The following NBAS variants were observed in gnomAD, a reference collection of about 807,000 sequenced individuals.
The protein encoded by NBAS is NAG/BC035112 fusion.
Under a neutral mutation model 302.5 loss-of-function variants are expected in NBAS, and 219 were observed. The observed-to-expected ratio is 0.72, with a 90% CI of 0.65 to 0.81. The LOEUF (loss-of-function observed/expected upper bound fraction) is 0.81. Among genes scored for constraint, NBAS ranks in the 30% least tolerant of loss-of-function variants. NBAS has a pLI of 0.00. For missense variants in NBAS, 2,932 were observed against 2,841.6 expected (o/e 1.03, Z -0.72); for synonymous variants, 1,118 against 1,021.6 (o/e 1.09, Z -1.80).
chr2:15,162,184 C>T (rs1019575342), downstream of NBAS, among the ~76,000 whole-genome samples: 3 of 152,232 alleles, frequency 2.0e-5, no homozygotes, highest in South Asian at 2.1e-4. Flanking sequence ...TTCTTCCAAA[C>T]AGCCCTGCCT....
chr2:15,328,821 A>G (rs190226128), intron 36 of NBAS, among the ~76,000 whole-genome samples: 1 of 152,006 alleles, frequency 6.6e-6, no homozygotes, highest in Admixed American at 6.6e-5. Flanking sequence ...CCTCAACCAA[A>G]CTGCCTGCTT....
chr2:14,923,397 A>C, the NBAS span, among the ~76,000 whole-genome samples: 1 of 152,192 alleles, frequency 6.6e-6, no homozygotes, highest in African/African-American at 2.4e-5. Context: ...CAGTGGAAGC[A>C]AAGAGGAGCT....
At chr2:15,438,184 C>T (rs1015103264) in intron 21 of NBAS, among the ~76,000 whole-genome samples, 7 of 152,238 alleles carry the variant, frequency 4.6e-5, no homozygotes, top group Non-Finnish European at 1.0e-4. Context: ...TTAAGGAAAG[C>T]CTTTCACCTG....
chr2:15,433,363 T>C (rs1386293791), intron 21 of NBAS, among the ~76,000 whole-genome samples: 1 of 152,136 alleles, frequency 6.6e-6, no homozygotes, highest in Non-Finnish European at 1.5e-5. Context: ...TAAAGGCCCT[T>C]ACAACAGTAC....
At chr2:14,865,845 T>G in the NBAS span, among the ~76,000 whole-genome samples, 1 of 152,178 alleles carries the variant, frequency 6.6e-6, no homozygotes, top group Middle Eastern at 3.4e-3. Context: ...ACTAGAAAAA[T>G]TGAAGCTTGG....
At position 15,521,316 on chromosome 2, in the gene NBAS, G is replaced by A. The variant is rs192335325; in HGVS notation, c.747-9966C>T. Among the ~76,000 whole-genome samples the A allele has an allele frequency of 6.5e-4, 99 of 152,268 alleles. No homozygotes were observed. The Middle Eastern group carries it at 0.01, about 16-fold the overall frequency. On this transcript the variant is annotated intron_variant, in intron 9 of 51. Coordinates refer to ENST00000281513, the MANE Select transcript of NBAS (RefSeq NM_015909.4). ...CCAAAGAAACACTGGTGAAATTACA[G>A]TCTCACTCAACTGTAATTTCACCGA...
chr2:15,194,031 C>G (rs942373949), intron 48 of NBAS, among the ~76,000 whole-genome samples: 5 of 151,696 alleles, frequency 3.3e-5, no homozygotes, highest in African/African-American at 1.2e-4. Flanking sequence ...AGAAGCCCAC[C>G]CAGACCTAGT....
At chr2:14,847,509 CAAA>C in the NBAS span, among the ~76,000 whole-genome samples, 1 of 118,606 alleles carries the variant, frequency 8.4e-6, no homozygotes, top group Non-Finnish European at 1.9e-5. Context: ...ACATAGATTT[CAAA>C]AAAAAAAAAA....
At chr2:14,991,185 C>A in the NBAS span, among the ~76,000 whole-genome samples, 14 of 152,100 alleles carry the variant, frequency 9.2e-5, no homozygotes, top group Non-Finnish European at 1.5e-4. Flanking sequence ...TCAAGTGATA[C>A]CCAGCTCTAG....
intron 44 of NBAS, among the ~76,000 whole-genome samples, chr2:15,245,179 A>T (rs1247845358): frequency 1.3e-5 from 2 of 152,052 alleles, no homozygotes; most frequent in Non-Finnish European, 2.9e-5. Context: ...ACTCACTAAG[A>T]ATAAAAGCCA....
the NBAS span, among the ~76,000 whole-genome samples, chr2:14,968,390 G>A: frequency 2.0e-5 from 3 of 152,130 alleles, no homozygotes; most frequent in Non-Finnish European, 4.4e-5. Flanking sequence ...ATATGCCCCT[G>A]AGGTTTGGAA....
At chr2:15,213,190 A>G (rs1218434583) in intron 48 of NBAS, among the ~76,000 whole-genome samples, 1 of 152,234 alleles carries the variant, frequency 6.6e-6, no homozygotes, top group Non-Finnish European at 1.5e-5. Flanking sequence ...TAAAAAGTCC[A>G]AACATTTTAC....
the NBAS span, among the ~76,000 whole-genome samples, chr2:15,013,763 T>C: frequency 1.3e-5 from 2 of 151,998 alleles, no homozygotes; most frequent in Admixed American, 6.6e-5. Context: ...CCTGCCTGGG[T>C]GACAAAGCCA....
At chr2:14,888,493 A>G in the NBAS span, among the ~76,000 whole-genome samples, 7 of 151,900 alleles carry the variant, frequency 4.6e-5, no homozygotes, top group African/African-American at 1.2e-4. Flanking sequence ...AGACCCATCA[A>G]ATCTCATTCT....
At chr2:15,140,141 C>A in the NBAS span, among the ~76,000 whole-genome samples, 559 of 152,248 alleles carry the variant, frequency 3.7e-3, 7 homozygotes, top group African/African-American at 0.012. Context: ...AGAGAGGCCA[C>A]GTGTAAGTGC....
At chr2:15,281,590 T>C (rs561583340) in intron 42 of NBAS, among the ~76,000 whole-genome samples, 58 of 152,314 alleles carry the variant, frequency 3.8e-4, no homozygotes, top group African/African-American at 1.4e-3. Context: ...AATAAATCTC[T>C]TCAATCTCAC....
chr2:14,984,333 T>C, the NBAS span, among the ~76,000 whole-genome samples: 14 of 152,184 alleles, frequency 9.2e-5, no homozygotes, highest in Non-Finnish European at 1.8e-4. Flanking sequence ...ATGACTCCCA[T>C]GCCTTCAAGG....
chr2:14,872,042 G>C, the NBAS span, among the ~76,000 whole-genome samples: 1 of 151,966 alleles, frequency 6.6e-6, no homozygotes, highest in Admixed American at 6.6e-5. Flanking sequence ...TATAAAAACA[G>C]ACACAGATTG....
chr2:14,875,863 GA>G, the NBAS span, among the ~76,000 whole-genome samples: 32 of 151,822 alleles, frequency 2.1e-4, no homozygotes, highest in African/African-American at 6.0e-4. Flanking sequence ...AAAGGAAGGG[GA>G]AAAAAAAGCA....
Sources: allele counts gnomAD v4.1 joint callset (sites outside exome capture counted in the v4.1 genomes callset), GRCh38; gene constraint gnomAD v4.1.1; transcripts MANE v1.5; gene names NCBI Gene and HGNC (gene_info 2026-07-23, HGNC 2026-07-21).